THSD7A: variants seen among roughly 807,000 people sequenced by gnomAD.
The protein encoded by THSD7A is thrombospondin type 1 domain containing 7A, also known as thrombospondin type-1 domain-containing protein 7A.
A neutral mutation model predicts 231.3 loss-of-function variants in THSD7A; 96 were observed. The observed-to-expected ratio is 0.41, with a 90% CI of 0.35 to 0.49. The LOEUF (loss-of-function observed/expected upper bound fraction) is 0.49. THSD7A is among the 20% of genes least tolerant of loss of function. The pLI, the probability that THSD7A is intolerant of heterozygous loss-of-function variation, is 0.05. For synonymous variants in THSD7A, 940 were observed against 743.3 expected (o/e 1.26, Z -4.30); for missense variants, 2,290 against 2,070.2 (o/e 1.11, Z -2.06).
intron 1 of THSD7A, among the ~76,000 whole-genome samples, chr7:11,783,668 C>T (rs1783700924): frequency 6.6e-6 from 1 of 151,970 alleles, no homozygotes; most frequent in South Asian, 2.1e-4. Flanking sequence ...TAGATTTGGG[C>T]AATTGGCAAT....
intron 4 of THSD7A, among the ~76,000 whole-genome samples, chr7:11,572,733 T>C (rs377085628): frequency 6.6e-6 from 1 of 152,060 alleles, no homozygotes; most frequent in East Asian, 1.9e-4. Context: ...CTCAAATTCC[T>C]GGGCTCAAGT....
At chr7:11,525,889 A>G (rs142523519) in intron 6 of THSD7A, among the ~76,000 whole-genome samples, 149 of 152,328 alleles carry the variant, frequency 9.8e-4, no homozygotes, top group African/African-American at 3.3e-3. Context: ...GTAACGTGTG[A>G]CTGGAAAGCA....
intron 2 of THSD7A, among the ~76,000 whole-genome samples, chr7:11,602,100 T>A (rs903238235): frequency 2.6e-5 from 4 of 152,188 alleles, no homozygotes; most frequent in Admixed American, 6.6e-5. Context: ...GTACTATCTA[T>A]GCACTTTGCA....
Position 11,462,084 on chromosome 7 carries a change from C to G in THSD7A, c.2428G>C (p.Gly810Arg). The G allele has an allele frequency of 6.2e-7, 1 of 1,613,790 alleles. No homozygotes were observed. The highest frequency in any genetic ancestry group is 1.1e-5 in the South Asian group (1 of 91,078). The change falls in exon 10 of 28, where the codon GGG (glycine) becomes CGG (arginine). Residue 810 changes from glycine (G) to arginine (R), a missense_variant. Gly to Arg is a moderately radical substitution (Grantham distance 125). Coordinates refer to ENST00000423059, the MANE Select transcript of THSD7A (RefSeq NM_015204.3). Reference sequence around the variant, plus strand: ...AGGGGATCTGTGCAGTCTCGGCCCCCGTTGGCTGGCAGCTGAATGATGACC... The same window carrying G: ...AGGGGATCTGTGCAGTCTCGGCCCCGGTTGGCTGGCAGCTGAATGATGACC... ...HRVIIQLPAN[G>R]GRDCTDPLYE...
Position 11,546,213 on chromosome 7 carries a change from C to G in THSD7A, c.1454-3096G>C, listed in dbSNP as rs1207419642. Among the ~76,000 whole-genome samples, 3 of 146,372 alleles carry G rather than the reference C, an allele frequency of 2.0e-5. No homozygotes were observed. The East Asian group carries it at 6.0e-4, about 29-fold the overall frequency. Reference sequence around the variant, plus strand: ...TGGTGTGGGCGCGCGCTCACACACACACACACACACACACACACGTGGACC... The same window carrying G: ...TGGTGTGGGCGCGCGCTCACACACAGACACACACACACACACACGTGGACC... On this transcript the variant is annotated intron_variant, in intron 4 of 27. Transcript: ENST00000423059.
At chr7:11,607,536 C>T (rs1196057060) in intron 2 of THSD7A, among the ~76,000 whole-genome samples, 1 of 151,368 alleles carries the variant, frequency 6.6e-6, no homozygotes, top group African/African-American at 2.4e-5. Context: ...TCAGATTGAA[C>T]CTTTAAAAAA....
intron 1 of THSD7A, among the ~76,000 whole-genome samples, chr7:11,687,111 C>T (rs925432279): frequency 6.6e-6 from 1 of 151,786 alleles, no homozygotes; most frequent in Admixed American, 6.6e-5. Flanking sequence ...AACATTATAG[C>T]TTTGACTACT....
intron 2 of THSD7A, among the ~76,000 whole-genome samples, chr7:11,606,268 A>G (rs989288665): frequency 6.6e-6 from 1 of 152,146 alleles, no homozygotes; most frequent in Non-Finnish European, 1.5e-5. Flanking sequence ...CATGAGCTAC[A>G]TAATAGACAT....
intron 6 of THSD7A, among the ~76,000 whole-genome samples, chr7:11,505,176 G>A (rs972821239): frequency 6.6e-6 from 1 of 152,102 alleles, no homozygotes; most frequent in Non-Finnish European, 1.5e-5. Context: ...GTTTTGAAAG[G>A]AAAATCTGGA....
chr7:11,473,472 C>T (rs145011841), intron 8 of THSD7A, among the ~76,000 whole-genome samples: 1 of 152,066 alleles, frequency 6.6e-6, no homozygotes, highest in Non-Finnish European at 1.5e-5. Flanking sequence ...AAATATGAGG[C>T]CACTTTTAAA....
At chr7:11,482,088 C>A (rs1786450607) in intron 6 of THSD7A, 106 bp from the exon 7 acceptor site, 3 of 1,278,712 alleles carry the variant, frequency 2.3e-6, no homozygotes, top group Non-Finnish European at 2.1e-6. Context: ...TTCTTTTGCT[C>A]TTACTTAAAA....
At chr7:11,800,132 C>G (rs1784235768) in intron 1 of THSD7A, among the ~76,000 whole-genome samples, 2 of 152,134 alleles carry the variant, frequency 1.3e-5, no homozygotes, top group Admixed American at 1.3e-4. Context: ...TTGAGACCAG[C>G]CTAGAGGGAA....
intron 16 of THSD7A, among the ~76,000 whole-genome samples, chr7:11,422,859 G>A (rs555398952): frequency 6.6e-6 from 1 of 152,064 alleles, no homozygotes; most frequent in East Asian, 1.9e-4. Flanking sequence ...CACCATGTTG[G>A]CCAGGATGGT....
At chr7:11,619,487 C>T (rs1042407287) in intron 2 of THSD7A, among the ~76,000 whole-genome samples, 1 of 151,436 alleles carries the variant, frequency 6.6e-6, no homozygotes, top group African/African-American at 2.4e-5. Flanking sequence ...TAGTTCACTG[C>T]AGCCTCCAAA....
chr7:11,593,502 G>A lies in THSD7A; in HGVS notation c.1023C>T (p.Ser341=). 2 of 1,613,694 alleles carry A rather than the reference G, an allele frequency of 1.2e-6. No individual in the cohort carries two copies. The highest frequency in any genetic ancestry group is 1.3e-5 in the African/African-American group (1 of 75,048). Residue 341 remains serine, a splice_region_variant and synonymous_variant, in exon 3 of 28, where the codon AGC becomes AGT. Coordinates refer to ENST00000423059, the MANE Select transcript of THSD7A (RefSeq NM_015204.3). ...INKTGKAADL[S]FCQQEKLPMT... Reference sequence around the variant, plus strand: ...TTGGAAGCTTCTCTTGCTGGCAAAAGCTGTAAAAGAGCATTGATATTCTCA... The same window carrying A: ...TTGGAAGCTTCTCTTGCTGGCAAAAACTGTAAAAGAGCATTGATATTCTCA...
intron 1 of THSD7A, among the ~76,000 whole-genome samples, chr7:11,722,720 G>GA (rs1439308377): frequency 2.0e-5 from 3 of 151,948 alleles, no homozygotes; most frequent in Non-Finnish European, 4.4e-5. Flanking sequence ...AAAGACACAT[G>GA]AAAAAATGCT....
chr7:11,800,688 A>G (rs1366322834), intron 1 of THSD7A, among the ~76,000 whole-genome samples: 2 of 152,244 alleles, frequency 1.3e-5, no homozygotes, highest in Non-Finnish European at 2.9e-5. Flanking sequence ...TCAAATTCAT[A>G]GAAGCAGAGA....
At chr7:11,570,549 C>G (rs114122013) in intron 4 of THSD7A, among the ~76,000 whole-genome samples, 1 of 152,210 alleles carries the variant, frequency 6.6e-6, no homozygotes, top group Non-Finnish European at 1.5e-5. Context: ...CCTAAATACC[C>G]TGTTTTGATC....
At chr7:11,691,229 T>G (rs2128141931) in intron 1 of THSD7A, among the ~76,000 whole-genome samples, 1 of 151,642 alleles carries the variant, frequency 6.6e-6, no homozygotes, top group Middle Eastern at 3.4e-3. Context: ...ACAAAAAGAT[T>G]CTCTTGTCAT....
Sources: allele counts gnomAD v4.1 joint callset (sites outside exome capture counted in the v4.1 genomes callset), GRCh38; gene constraint gnomAD v4.1.1; transcripts MANE v1.5; gene names NCBI Gene and HGNC (gene_info 2026-07-23, HGNC 2026-07-21).